ECPAS: variants seen among roughly 807,000 people sequenced by gnomAD.
The protein encoded by ECPAS is Ecm29 proteasome adaptor and scaffold.
Under a neutral mutation model 255.1 loss-of-function variants are expected in ECPAS, and 70 were observed. The observed-to-expected ratio is 0.27, with a 90% CI of 0.23 to 0.33. ECPAS has a LOEUF of 0.33. ECPAS is among the 10% of genes least tolerant of loss of function. The pLI is 1.00. For missense variants in ECPAS, 1,817 were observed against 2,206.4 expected (o/e 0.82, Z 3.54); for synonymous variants, 784 against 775.0 (o/e 1.01, Z -0.19).
intron 33 of ECPAS, among the ~76,000 whole-genome samples, chr9:111,384,934 A>C (rs948593934): frequency 1.3e-5 from 2 of 152,234 alleles, no homozygotes; most frequent in African/African-American, 4.8e-5. Flanking sequence ...TGAAGTGCCT[A>C]ATTTTAATGG....
intron 31 of ECPAS, among the ~76,000 whole-genome samples, chr9:111,388,590 A>C (rs1168529063): frequency 6.6e-6 from 1 of 152,114 alleles, no homozygotes; most frequent in Non-Finnish European, 1.5e-5. Context: ...TTTTAACCCA[A>C]AATGGCACAA....
chr9:111,482,041 G>A (rs1291012410), intron 1 of ECPAS, among the ~76,000 whole-genome samples: 4 of 152,206 alleles, frequency 2.6e-5, no homozygotes, highest in African/African-American at 9.6e-5. Context: ...ACACAACAGT[G>A]TGAATGTACT....
intron 4 of ECPAS, among the ~76,000 whole-genome samples, chr9:111,443,407 C>T (rs1187153367): frequency 2.0e-5 from 3 of 152,056 alleles, no homozygotes; most frequent in African/African-American, 2.4e-5. Context: ...CGCGCCACCA[C>T]GCCCAGCTAA....
rs368736028 is a variant in ECPAS, at chr9:111,408,615, G to A, written c.2608C>T (p.Pro870Ser). The change falls in exon 24 of 50, where the codon CCT becomes TCT. Residue 870 changes from proline (P) to serine (S), a missense_variant. Pro to Ser is a moderately conservative substitution (Grantham distance 74, BLOSUM62 -1). This residue lies in a region of ECPAS where 960 missense variants were observed against 1,179.0 expected (regional missense o/e 0.81). Coordinates refer to ENST00000684092, the MANE Select transcript of ECPAS (RefSeq NM_001364929.1). The part of the protein sequence containing the change: ...GYFPVGDGDF[P>S]HQKLLLQGLM... ...CCTTGCAAGAGGAGTTTCTGGTGAG[G>A]AAAATCTCCATCCCCAACTGGAAAA... 7.7e-5 allele frequency: 123 copies of A among 1,595,980 alleles called. No homozygotes were observed. Among genetic ancestry groups the A allele is most frequent in the Middle Eastern group, 1.7e-4 (1 of 6,042 alleles).
intron 4 of ECPAS, among the ~76,000 whole-genome samples, chr9:111,443,403 A>G (rs544294198): frequency 6.6e-6 from 1 of 152,164 alleles, no homozygotes; most frequent in Non-Finnish European, 1.5e-5. Flanking sequence ...GGCACGCGCC[A>G]CCACGCCCAG....
At chr9:111,406,594 C>T (rs967906377) in intron 24 of ECPAS, among the ~76,000 whole-genome samples, 1 of 149,634 alleles carries the variant, frequency 6.7e-6, no homozygotes, top group African/African-American at 2.5e-5. Flanking sequence ...ACATTGTATG[C>T]TTGTATCAAT....
intron 2 of ECPAS, among the ~76,000 whole-genome samples, chr9:111,460,897 A>T (rs1031302316): frequency 6.6e-6 from 1 of 152,228 alleles, no homozygotes; most frequent in African/African-American, 2.4e-5. Context: ...TCCATCAGAT[A>T]ACTTGGGTAA....
rs375930640 is a variant in ECPAS at position 111,425,743 on chromosome 9, G to T, written c.1136C>A (p.Thr379Asn). 10 of 1,528,846 alleles carry T rather than the reference G, an allele frequency of 6.5e-6. No homozygotes were observed. The highest frequency in any genetic ancestry group is 1.2e-5 in the South Asian group (1 of 86,294). 94.7% of individuals were successfully genotyped at this position (1,528,846 alleles called of 1,614,324 possible). The stretch of plus-strand genomic sequence containing the variant: ...ATAGTTAAAATAGTTAAAGACTTAC[G>T]TTATACAAATATGATGCACAAATTG... The part of the protein sequence containing the change: ...SLQFVHHICI[T>N]CPEIKIKPLG... The change falls in exon 11 of 50, where the codon ACC becomes AAC. Residue 379 changes from threonine (T) to asparagine (N), a missense_variant and splice_region_variant. By Grantham distance (65) the Thr-to-Asn change is moderately conservative. This residue lies in a region of ECPAS where 573 missense variants were observed against 716.2 expected (regional missense o/e 0.80). Coordinates refer to ENST00000684092, the MANE Select transcript of ECPAS (RefSeq NM_001364929.1).
chr9:111,391,856 A>C (rs966205248), intron 28 of ECPAS, 32 bp from the exon 29 acceptor site: 2 of 1,416,828 alleles, frequency 1.4e-6, no homozygotes, highest in Non-Finnish European at 2.0e-6. Context: ...AATAAGCTTC[A>C]AGCTTTTCAT....
intron 35 of ECPAS, among the ~76,000 whole-genome samples, chr9:111,382,894 A>C (rs757520556): frequency 6.6e-6 from 1 of 152,332 alleles, no homozygotes; most frequent in Non-Finnish European, 1.5e-5. Flanking sequence ...TAAATCTAAT[A>C]ATCTGTGAAA....
At chr9:111,371,954 C>A (rs1260756771) in intron 42 of ECPAS, 125 bp from the exon 43 acceptor site, 2 of 698,402 alleles carry the variant, frequency 2.9e-6, no homozygotes, top group Non-Finnish European at 4.8e-6. Flanking sequence ...AAACACACCA[C>A]TCTCTCAAAG....
chr9:111,435,392 C>G (rs2098236510), intron 7 of ECPAS, among the ~76,000 whole-genome samples: 1 of 152,150 alleles, frequency 6.6e-6, no homozygotes. Context: ...AAAACACATA[C>G]AGAGGCATAT....
intron 1 of ECPAS, among the ~76,000 whole-genome samples, chr9:111,482,546 T>C (rs2132146684): frequency 6.6e-6 from 1 of 152,188 alleles, no homozygotes; most frequent in East Asian, 1.9e-4. Flanking sequence ...GTAAGCTTCA[T>C]AAAGCTTGCA....
At chr9:111,459,269 A>AT (rs1280065249) in intron 2 of ECPAS, among the ~76,000 whole-genome samples, 1 of 148,290 alleles carries the variant, frequency 6.7e-6, no homozygotes, top group Non-Finnish European at 1.5e-5. Context: ...TCTTTTTTGT[A>AT]TTTTTTGTAG....
At chr9:111,460,281 TA>T (rs1396888910) in intron 2 of ECPAS, among the ~76,000 whole-genome samples, 2 of 152,150 alleles carry the variant, frequency 1.3e-5, no homozygotes, top group Non-Finnish European at 2.9e-5. Flanking sequence ...TCATGCTAAA[TA>T]GATGGGAACA....
chr9:111,401,575 T>C (rs1012993590), intron 24 of ECPAS, among the ~76,000 whole-genome samples: 3 of 152,294 alleles, frequency 2.0e-5, no homozygotes, highest in Non-Finnish European at 4.4e-5. Flanking sequence ...CTGACTAGAA[T>C]TCACCAGGCT....
intron 2 of ECPAS, among the ~76,000 whole-genome samples, chr9:111,454,598 C>T (rs1052469908): frequency 6.6e-6 from 1 of 152,118 alleles, no homozygotes; most frequent in African/African-American, 2.4e-5. Flanking sequence ...AACACTGTTA[C>T]GTCATCTTTA....
intron 45 of ECPAS, among the ~76,000 whole-genome samples, chr9:111,369,734 CTT>C (rs1554775802): frequency 2.0e-5 from 3 of 151,832 alleles, no homozygotes; most frequent in African/African-American, 7.3e-5. Flanking sequence ...AAACCACACC[CTT>C]TTTTTTGGGG....
intron 2 of ECPAS, among the ~76,000 whole-genome samples, chr9:111,466,975 G>A (rs2098280359): frequency 6.6e-6 from 1 of 152,102 alleles, no homozygotes; most frequent in Non-Finnish European, 1.5e-5. Flanking sequence ...TCTATCTAAA[G>A]ACGAAGAAGG....
Sources: gnomAD v4.1 joint callset for allele counts (sites outside exome capture counted in the v4.1 genomes callset) on GRCh38, gnomAD v4.1.1 for gene constraint, gnomAD v4.1.1 regional missense constraint, MANE v1.5 for transcripts, NCBI Gene and HGNC (gene_info 2026-07-23, HGNC 2026-07-21) for gene names.